EPHB1: variants seen among roughly 807,000 people sequenced by gnomAD.
The protein encoded by EPHB1 is ephrin type-B receptor 1.
A neutral mutation model predicts 94.4 loss-of-function variants in EPHB1; 30 were observed. The ratio of observed to expected loss-of-function variants is 0.32; its 90% confidence interval spans 0.24 to 0.43. EPHB1 has a LOEUF of 0.43. EPHB1 is among the 20% of genes least tolerant of loss of function. The probability of loss-of-function intolerance (pLI) is 1.00; values close to 1 mark genes in which losing one functional copy is unlikely to be tolerated. For synonymous variants in EPHB1, 522 were observed against 489.1 expected (o/e 1.07, Z -0.89); for missense variants, 1,055 against 1,308.3 (o/e 0.81, Z 2.99).
At position 134,949,542 on chromosome 3, in the gene EPHB1, T is replaced by C. The variant is rs1267027255; in HGVS notation, c.124-1829T>C. On this transcript the variant is annotated intron_variant, in intron 2 of 15. Coordinates refer to ENST00000398015, the MANE Select transcript of EPHB1 (RefSeq NM_004441.5). Reference sequence around the variant, plus strand: ...AGGAGCAATTGCAGTATATTTTCCATGCACACATAATTGGCTTTTAGCTCT... The same window carrying C: ...AGGAGCAATTGCAGTATATTTTCCACGCACACATAATTGGCTTTTAGCTCT... Among the ~76,000 whole-genome samples, 9 of 152,278 alleles carry C rather than the reference T, an allele frequency of 5.9e-5. No individual in the cohort carries two copies. The East Asian group carries it at 1.7e-3, about 29-fold the overall frequency.
At chr3:134,800,407 A>G (rs753226769) in intron 1 of EPHB1, among the ~76,000 whole-genome samples, 6 of 152,332 alleles carry the variant, frequency 3.9e-5, no homozygotes, top group South Asian at 4.1e-4. Context: ...TTTTTCTAGC[A>G]TGGGCAAAAG....
At chr3:135,118,885 A>G (rs1382642688) in intron 4 of EPHB1, among the ~76,000 whole-genome samples, 2 of 152,152 alleles carry the variant, frequency 1.3e-5, no homozygotes, top group Non-Finnish European at 2.9e-5. Context: ...GCATATCCCT[A>G]TATTTGTGGA....
intron 3 of EPHB1, among the ~76,000 whole-genome samples, chr3:135,077,541 A>C (rs1265011344): frequency 6.6e-6 from 1 of 152,204 alleles, no homozygotes; most frequent in Non-Finnish European, 1.5e-5. Context: ...GGCTGGGCTT[A>C]GAGTTGTTGG....
At chr3:135,107,130 C>T (rs1453275530) in intron 4 of EPHB1, among the ~76,000 whole-genome samples, 1 of 152,174 alleles carries the variant, frequency 6.6e-6, no homozygotes, top group Non-Finnish European at 1.5e-5. Context: ...CCTTCAAATG[C>T]CCAGCCTGAT....
At position 134,906,501 on chromosome 3, in the gene EPHB1, G is replaced by A. The variant is rs2038333288; in HGVS notation, c.59-19315G>A. Among the ~76,000 whole-genome samples the A allele has an allele frequency of 1.3e-5, 2 of 152,070 alleles. 1 individual carries two copies. Among genetic ancestry groups the A allele is most frequent in the South Asian group, 4.1e-4 (2 of 4,828 alleles). ...GAAGTGATCAAACGTGAAAAGACAAGTTTTAAATATCACTGATCAAATTCT... is the reference window on the plus strand; with the variant it reads ...GAAGTGATCAAACGTGAAAAGACAAATTTTAAATATCACTGATCAAATTCT... On this transcript the variant is annotated intron_variant, in intron 1 of 15. Transcript: ENST00000398015.
chr3:134,967,499 G>T (rs1416864011), intron 3 of EPHB1, among the ~76,000 whole-genome samples: 1 of 152,058 alleles, frequency 6.6e-6, no homozygotes, highest in Non-Finnish European at 1.5e-5. Context: ...AAGGGAGTGG[G>T]TTAGCTGTTA....
intron 11 of EPHB1, among the ~76,000 whole-genome samples, chr3:135,199,886 T>C (rs72981618): frequency 0.031 from 4,740 of 152,330 alleles, 246 homozygotes; most frequent in African/African-American, 0.11. Context: ...CAGGAGCATA[T>C]GCATGTGAGT....
chr3:135,158,793 A>G (rs7642038), intron 6 of EPHB1, among the ~76,000 whole-genome samples: 39,257 of 152,018 alleles, frequency 0.26, 6,256 homozygotes, highest in East Asian at 0.57. Context: ...TAGACAAACC[A>G]TAGGAGGAGC....
At chr3:134,986,144 G>A (rs1336753490) in intron 3 of EPHB1, among the ~76,000 whole-genome samples, 1 of 152,198 alleles carries the variant, frequency 6.6e-6, no homozygotes, top group Non-Finnish European at 1.5e-5. Flanking sequence ...TCAGATGCCA[G>A]CTCTTCAGCT....
At chr3:135,071,850 G>C (rs1402018101) in intron 3 of EPHB1, among the ~76,000 whole-genome samples, 1 of 152,064 alleles carries the variant, frequency 6.6e-6, no homozygotes, top group Non-Finnish European at 1.5e-5. Context: ...TTTTCACTTT[G>C]ATTGCTCCCA....
In EPHB1 at chr3:135,258,969, A is replaced by G. The variant is rs1199665714; in HGVS notation, c.2847-43A>G. The stretch of plus-strand genomic sequence containing the variant: ...ATGAGTTTTGATCTGCGAAAAGCTA[A>G]CCTAACACTAAAGTGACTTCTTTTC... On this transcript the variant is annotated intron_variant, in intron 15 of 15. Transcript: ENST00000398015. 2.0e-6 allele frequency: 3 copies of G among 1,469,252 alleles called. No individual in the cohort carries two copies. The South Asian group carries it at 3.6e-5, about 18-fold the overall frequency. 91.0% of individuals were successfully genotyped at this position (1,469,252 alleles called of 1,614,324 possible). A position where few individuals can be genotyped will look rare whatever the true frequency, so the allele number is the denominator to read the frequency against.
Position 135,248,330 on chromosome 3 carries a change from C to A in EPHB1, c.2511C>A (p.Ile837=). ...DMSNQDVINA[I]EQDYRLPPPM... ...TGTCACTGCAGGTCATCAATGCCAT[C>A]GAGCAGGACTACCGGCTGCCCCCAC... Residue 837 remains isoleucine, a synonymous_variant, in exon 14 of 16, where the codon ATC becomes ATA. Transcript: ENST00000398015. 6.3e-7 allele frequency: 1 copy of A among 1,586,360 alleles called. No homozygotes were observed. Among genetic ancestry groups the A allele is most frequent in the Non-Finnish European group, 8.6e-7 (1 of 1,159,850 alleles).
intron 3 of EPHB1, among the ~76,000 whole-genome samples, chr3:135,041,817 G>T (rs893009589): frequency 6.6e-6 from 1 of 152,206 alleles, no homozygotes. Flanking sequence ...CACATCTGGG[G>T]AGGGCCTTCT....
intron 10 of EPHB1, among the ~76,000 whole-genome samples, chr3:135,183,011 T>TTTTCTTTTCTTTTCTTTTC (rs1357769110): frequency 5.5e-5 from 4 of 72,818 alleles, no homozygotes; most frequent in South Asian, 6.2e-4. Context: ...TTTTCTTTTC[T>TTTTCTTTTCTTTTCTTTTC]TTTCTTTTCT....
At chr3:135,126,681 C>A (rs1369775010) in intron 4 of EPHB1, among the ~76,000 whole-genome samples, 1 of 152,276 alleles carries the variant, frequency 6.6e-6, no homozygotes, top group South Asian at 2.1e-4. Context: ...TGACAGGTAC[C>A]AGAGATCATC....
chr3:135,251,690 T>G (rs1273688103), intron 15 of EPHB1, among the ~76,000 whole-genome samples: 1 of 152,184 alleles, frequency 6.6e-6, no homozygotes, highest in African/African-American at 2.4e-5. Flanking sequence ...ACATGAACAC[T>G]TTGAGCATCT....
At chr3:134,817,580 CTG>C (rs1334543669) in intron 1 of EPHB1, among the ~76,000 whole-genome samples, 1 of 152,256 alleles carries the variant, frequency 6.6e-6, no homozygotes, top group Admixed American at 6.5e-5. Context: ...CATTTACCAG[CTG>C]CGTGACCTTG....
At chr3:135,097,971 TGTGC>T (rs1938868377) in intron 3 of EPHB1, among the ~76,000 whole-genome samples, 1 of 152,224 alleles carries the variant, frequency 6.6e-6, no homozygotes, top group African/African-American at 2.4e-5. Flanking sequence ...ATCCTCCCTC[TGTGC>T]CAACTTTTAC....
chr3:134,940,412 T>C (rs2039088474), intron 2 of EPHB1, among the ~76,000 whole-genome samples: 1 of 152,224 alleles, frequency 6.6e-6, no homozygotes, highest in African/African-American at 2.4e-5. Context: ...GCTCAGAAAG[T>C]TGTCTGTGAT....
Sources: gnomAD v4.1 joint callset for allele counts (sites outside exome capture counted in the v4.1 genomes callset) on GRCh38, gnomAD v4.1.1 for gene constraint, MANE v1.5 for transcripts, NCBI Gene and HGNC (gene_info 2026-07-23, HGNC 2026-07-21) for gene names.